Variants in TUBB4A observed in about 807,000 individuals in gnomAD.
TUBB4A encodes the protein tubulin beta 4A class IVa, also known as tubulin beta-4A chain.
In TUBB4A, 13 loss-of-function variants were observed where a neutral mutation model predicts 35.1. The ratio of observed to expected loss-of-function variants is 0.37; its 90% CI spans 0.24 to 0.59. The LOEUF is 0.59. Ranked by LOEUF, TUBB4A falls within the 20% of genes least tolerant of loss-of-function variation. The pLI, the probability that TUBB4A is intolerant of heterozygous loss-of-function variation, is 0.71. For missense variants in TUBB4A, 299 were observed against 647.2 expected (o/e 0.46, Z 5.84); for synonymous variants, 279 against 272.4 (o/e 1.02, Z -0.24).
In TUBB4A at chr19:6,495,031, C is replaced by G; in HGVS notation, c.*133G>C. 10 of 1,095,274 alleles carry G rather than the reference C, an allele frequency of 9.1e-6. No homozygotes were observed. Among genetic ancestry groups the G allele is most frequent in the Non-Finnish European group, 1.3e-5 (10 of 768,444 alleles). The allele number at this position is 1,095,274 out of a possible 1,614,324, so 67.8% of individuals were successfully genotyped here. A position where few individuals can be genotyped will look rare whatever the true frequency, so the allele number is the denominator to read the frequency against. On this transcript the variant is annotated 3_prime_UTR_variant, in exon 4 of 4. Transcript: ENST00000264071. The surrounding 1 kb of genome is among the most constrained non-coding windows in gnomAD (Gnocchi z 8.7). ...GAAGTAGCCAGAGGTAAAGCGAGCT[C>G]CAAAGGTATTGTTAGGGTCAGCGGG... is the stretch of plus-strand genomic sequence containing the variant.
Position 6,501,721 on chromosome 19 carries a change from C to G in TUBB4A, c.58-98G>C, listed in dbSNP as rs1207911539. The G allele has an allele frequency of 1.0e-6, 1 of 967,536 alleles. No individual in the cohort carries two copies. The highest frequency in any genetic ancestry group is 1.6e-6 in the Non-Finnish European group (1 of 628,044). The allele number at this position is 967,536 out of a possible 1,614,324, so 59.9% of individuals were successfully genotyped here. On this transcript the variant is annotated intron_variant, in intron 1 of 3. Coordinates refer to ENST00000264071, the MANE Select transcript of TUBB4A (RefSeq NM_006087.4). This position sits in a 1 kb window ranked among gnomAD's most constrained non-coding sequence, Gnocchi z 4.2. ...CCAACTAGCTCCCTAGCTGCCACCTCTCCCCCAGCAAGGTGAACGGGGGAC... is the reference window on the plus strand; with the variant it reads ...CCAACTAGCTCCCTAGCTGCCACCTGTCCCCCAGCAAGGTGAACGGGGGAC...
intron 1 of TUBB4A, 133 bp downstream of exon 1, chr19:6,502,023 C>T: frequency 9.8e-7 from 1 of 1,015,366 alleles, no homozygotes. Flanking sequence ...CCCCCAAGGC[C>T]CCTGGGGCGC....
intron 3 of TUBB4A, among the ~76,000 whole-genome samples, chr19:6,500,210 C>A (rs148838903): frequency 5.9e-5 from 9 of 152,268 alleles, no homozygotes; most frequent in African/African-American, 2.2e-4. Context: ...CTCATGGCAG[C>A]CTCAACCTCC....
rs76385255 is a variant in TUBB4A at position 6,499,301 on chromosome 19, C to CA, written c.277+1985dup. Among the ~76,000 whole-genome samples the CA allele has an allele frequency of 5.8e-3, 738 of 127,614 alleles. 4 individuals are homozygous for CA. The highest frequency in any genetic ancestry group is 8.9e-3 in the Non-Finnish European group (527 of 59,082). The allele number at this position is 127,614 out of a possible 152,430, so 83.7% of individuals were successfully genotyped here. A position where few individuals can be genotyped will look rare whatever the true frequency, so the allele number is the denominator to read the frequency against. ...AGCCTGGGCAACGGAGACTCCGTCT[C>CA]AAAAAAAAAAAAAAGCGTGGACCTA... On this transcript the variant is annotated intron_variant, in intron 3 of 3. Transcript: ENST00000264071.
Position 6,501,307 on chromosome 19 carries a change from C to T in TUBB4A, c.257G>A (p.Arg86Gln), listed in dbSNP as rs1914521438. ...CTCACCAAACACGAAGTTGTCCGGCCGAAAGATCTGACCGAAGGGGCCAGA... is the reference window on the plus strand; with the variant it reads ...CTCACCAAACACGAAGTTGTCCGGCTGAAAGATCTGACCGAAGGGGCCAGA... ...VRSGPFGQIF[R>Q]PDNFVFGQSG... The change falls in exon 3 of 4, where the codon CGG becomes CAG. Residue 86 changes from arginine to glutamine, a missense_variant. Arg to Gln is a conservative substitution (Grantham distance 43, BLOSUM62 1). Around this residue, in one of 5 missense-constraint regions of TUBB4A, gnomAD observed 123 missense variants for 226.0 expected, o/e 0.54. Transcript: ENST00000264071. This position sits in a 1 kb window ranked among gnomAD's most constrained non-coding sequence, Gnocchi z 4.2. 1.2e-6 allele frequency: 2 copies of T among 1,613,880 alleles called. No homozygotes were observed. Among genetic ancestry groups the T allele is most frequent in the Non-Finnish European group, 1.7e-6 (2 of 1,179,954 alleles).
upstream of TUBB4A, chr19:6,502,539 T>C: frequency 3.3e-6 from 1 of 306,334 alleles, no homozygotes; most frequent in South Asian, 6.6e-5. Flanking sequence ...ACCAGTGCAG[T>C]CTCCCCCGTC....
chr19:6,496,854 C>A (rs1914225288), intron 3 of TUBB4A, among the ~76,000 whole-genome samples: 1 of 146,306 alleles, frequency 6.8e-6, no homozygotes, highest in African/African-American at 2.5e-5. Flanking sequence ...ACTCCCCCGC[C>A]CCCTGCCTAA....
intron 3 of TUBB4A, among the ~76,000 whole-genome samples, chr19:6,499,062 T>G (rs1914406997): frequency 6.6e-6 from 1 of 152,094 alleles, no homozygotes; most frequent in Admixed American, 6.6e-5. Flanking sequence ...CGGTTGCTCA[T>G]GCCTGTAATC....
At position 6,496,618 on chromosome 19, in the gene TUBB4A, G is replaced by A. The variant is rs903809363; in HGVS notation, c.278-397C>T. Among the ~76,000 whole-genome samples the A allele has an allele frequency of 6.1e-5, 9 of 147,038 alleles. No individual in the cohort carries two copies. In the East Asian group the frequency reaches 1.8e-3, roughly 30 times the overall value. On this transcript the variant is annotated intron_variant, in intron 3 of 3. Transcript: ENST00000264071. ...TGCACTGCAGCCTGGGCAACAGAGC[G>A]AGACTCCGTCTCAAAATAATAATAA...
chr19:6,494,775 G>T lies in TUBB4A; in HGVS notation c.*389C>A. On this transcript the variant is annotated 3_prime_UTR_variant, in exon 4 of 4. Transcript: ENST00000264071. ...GCGGTGAAGTGCAGCTCAGAGGGAG[G>T]GGTCAAACATAAACCAGAACTTATA... 3.7e-6 allele frequency: 1 copy of T among 271,894 alleles called. No individual in the cohort carries two copies. Among genetic ancestry groups the T allele is most frequent in the Non-Finnish European group, 7.0e-6 (1 of 142,236 alleles). 16.8% of individuals were successfully genotyped at this position (271,894 alleles called of 1,614,324 possible).
At chr19:6,497,243 T>G (rs1356892402) in intron 3 of TUBB4A, among the ~76,000 whole-genome samples, 2 of 150,120 alleles carry the variant, frequency 1.3e-5, no homozygotes, top group East Asian at 3.9e-4. Context: ...ATAAAAAGAT[T>G]AATATTTAAC....
rs780784525 is a variant in TUBB4A at position 6,495,518 on chromosome 19, G to A, written c.981C>T (p.Asp327=). The change falls in exon 4 of 4, where the codon GAC becomes GAT. Residue 327 remains aspartate, a synonymous_variant. Coordinates refer to ENST00000264071, the MANE Select transcript of TUBB4A (RefSeq NM_006087.4). This position sits in a 1 kb window ranked among gnomAD's most constrained non-coding sequence, Gnocchi z 8.7. ...TGCTCTGCACGCTCAGCATCTGCTC[G>A]TCCACCTCCTTCATGGACATGCGGC... is the stretch of plus-strand genomic sequence containing the variant. ...FRGRMSMKEV[D]EQMLSVQSKN... is the part of the protein sequence containing the mutation. The A allele has an allele frequency of 1.5e-5, 24 of 1,614,166 alleles. No individual in the cohort carries two copies. The highest frequency in any genetic ancestry group is 1.9e-5 in the Non-Finnish European group (23 of 1,180,034).
rs1029011600 is a variant in TUBB4A, at chr19:6,501,693, C to T, written c.58-70G>A. 7.6e-7 allele frequency: 1 copy of T among 1,317,132 alleles called. No individual in the cohort carries two copies. Among genetic ancestry groups the T allele is most frequent in the Non-Finnish European group, 1.1e-6 (1 of 928,250 alleles). The allele number at this position is 1,317,132 out of a possible 1,614,324, so 81.6% of individuals were successfully genotyped here. The stretch of plus-strand genomic sequence containing the variant: ...TGGCCAAGCCGAGGACTGCCCCCAG[C>T]CCCCAACTAGCTCCCTAGCTGCCAC... On this transcript the variant is annotated intron_variant, in intron 1 of 3. Transcript: ENST00000264071. This position sits in a 1 kb window ranked among gnomAD's most constrained non-coding sequence, Gnocchi z 4.2.
At position 6,495,770 on chromosome 19, in the gene TUBB4A, C is replaced by A. The variant is rs370473879; in HGVS notation, c.729G>T (p.Pro243=). ...TGCGCAGGTCGGCGTTCAGCTGGCCCGGGAAGCGCAGGCAGGTGGTGACCC... is the reference window on the plus strand; with the variant it reads ...TGCGCAGGTCGGCGTTCAGCTGGCCAGGGAAGCGCAGGCAGGTGGTGACCC... ...MSGVTTCLRF[P]GQLNADLRKL... is the part of the protein sequence containing the mutation. Residue 243 remains proline, a synonymous_variant, in exon 4 of 4, where the codon CCG becomes CCT. Coordinates refer to ENST00000264071, the MANE Select transcript of TUBB4A (RefSeq NM_006087.4). The surrounding 1 kb of genome is among the most constrained non-coding windows in gnomAD (Gnocchi z 8.7). The A allele has an allele frequency of 6.2e-7, 1 of 1,614,184 alleles. No individual in the cohort carries two copies. The highest frequency in any genetic ancestry group is 1.1e-5 in the South Asian group (1 of 91,088).
At chr19:6,497,700 G>A (rs1294545908) in intron 3 of TUBB4A, among the ~76,000 whole-genome samples, 1 of 151,942 alleles carries the variant, frequency 6.6e-6, no homozygotes, top group Non-Finnish European at 1.5e-5. Flanking sequence ...TAGGGAGGCC[G>A]AGGCGGGCAG....
In TUBB4A at chr19:6,501,801, G is replaced by A; in HGVS notation, c.58-178C>T. ...GGCAGCAAGAAGGAGCGGTGGGGGCGGGGTGCAGCCGAGTCAGCACCCAGC... is the reference window on the plus strand; with the variant it reads ...GGCAGCAAGAAGGAGCGGTGGGGGCAGGGTGCAGCCGAGTCAGCACCCAGC... On this transcript the variant is annotated intron_variant, in intron 1 of 3. Transcript: ENST00000264071. The surrounding 1 kb of genome is among the most constrained non-coding windows in gnomAD (Gnocchi z 4.2). 1 of 617,388 alleles carries A rather than the reference G, an allele frequency of 1.6e-6. No individual in the cohort carries two copies. Among genetic ancestry groups the A allele is most frequent in the Non-Finnish European group, 2.8e-6 (1 of 353,754 alleles). The allele number at this position is 617,388 out of a possible 1,614,324, so 38.2% of individuals were successfully genotyped here. A position where few individuals can be genotyped will look rare whatever the true frequency, so the allele number is the denominator to read the frequency against.
chr19:6,496,391 A>T (rs1264780102), intron 3 of TUBB4A, 170 bp from the exon 4 acceptor site: 14 of 646,802 alleles, frequency 2.2e-5, no homozygotes, highest in Non-Finnish European at 2.6e-5. Context: ...GCACTTTGGG[A>T]GGCCGAGGTG....
intron 3 of TUBB4A, chr19:6,500,812 T>A (rs1914494628): frequency 6.5e-6 from 1 of 153,366 alleles, no homozygotes; most frequent in African/African-American, 2.4e-5. Flanking sequence ...AAGTTATCCA[T>A]CTGAATCAAC....
At position 6,501,939 on chromosome 19, in the gene TUBB4A, C is replaced by T. The variant is rs954685066; in HGVS notation, c.57+217G>A. Reference sequence around the variant, plus strand: ...TGTGGGCCCAGCTGTGACAGGCGGACAGAAGGCTGGCTCCCACTCTCCGCA... The same window carrying T: ...TGTGGGCCCAGCTGTGACAGGCGGATAGAAGGCTGGCTCCCACTCTCCGCA... On this transcript the variant is annotated intron_variant, in intron 1 of 3. Coordinates refer to ENST00000264071, the MANE Select transcript of TUBB4A (RefSeq NM_006087.4). This position sits in a 1 kb window ranked among gnomAD's most constrained non-coding sequence, Gnocchi z 4.2. 4.6e-5 allele frequency among the ~76,000 whole-genome samples: 7 copies of T among 152,150 alleles called. No homozygotes were observed. The highest frequency in any genetic ancestry group is 1.7e-4 in the African/African-American group (7 of 41,450).
Sources: allele counts gnomAD v4.1 joint callset (sites outside exome capture counted in the v4.1 genomes callset), GRCh38; gene constraint gnomAD v4.1.1; regional missense constraint gnomAD v4.1.1; non-coding constraint Gnocchi (gnomAD v3.1); transcripts MANE v1.5; gene names NCBI Gene and HGNC (gene_info 2026-07-23, HGNC 2026-07-21).